PDE4D: variants seen among roughly 807,000 people sequenced by gnomAD.
PDE4D encodes 3',5'-cyclic-AMP phosphodiesterase 4D.
In PDE4D, 24 loss-of-function variants were observed where a neutral mutation model predicts 87.4. That is an observed-to-expected ratio of 0.27 (90% CI 0.20 to 0.39). The LOEUF is 0.39. PDE4D is among the 10% of genes least tolerant of loss of function. The probability of loss-of-function intolerance (pLI) is 1.00; values close to 1 mark genes in which losing one functional copy is unlikely to be tolerated. For synonymous variants in PDE4D, 384 were observed against 383.2 expected, an observed-to-expected ratio of 1.00 and a Z score of -0.02; for missense variants, 714 against 1,041.0, an observed-to-expected ratio of 0.69 and a Z score of 4.32.
chr5:59,475,336 C>T lies in PDE4D; in HGVS notation c.456-259368G>A, dbSNP rs1253906520. 3.3e-5 allele frequency among the ~76,000 whole-genome samples: 5 copies of T among 152,154 alleles called. No individual in the cohort carries two copies. In the East Asian group the frequency reaches 7.7e-4, roughly 23 times the overall value. ...TTCAGATTCTCAAAGGGGTCTCTAA[C>T]CCCAAATAAGGCTAAGAACCATGGT... On this transcript the variant is annotated intron_variant, in intron 1 of 14. Transcript: ENST00000340635.
chr5:59,043,650 C>T (rs918409875), intron 5 of PDE4D, among the ~76,000 whole-genome samples: 5 of 152,140 alleles, frequency 3.3e-5, no homozygotes, highest in African/African-American at 4.8e-5. Context: ...TGGTGTGCTG[C>T]ACCCATTAAC....
intron 5 of PDE4D, among the ~76,000 whole-genome samples, chr5:59,084,767 C>T (rs1340745783): frequency 6.6e-6 from 1 of 151,646 alleles, no homozygotes; most frequent in Non-Finnish European, 1.5e-5. Context: ...AACAAATCAG[C>T]CCACGAATAA....
In PDE4D at chr5:59,767,635, A is replaced by G. The variant is rs185607049; in HGVS notation, c.455+125533T>C. On this transcript the variant is annotated intron_variant, in intron 1 of 14. Coordinates refer to ENST00000340635, the MANE Select transcript of PDE4D (RefSeq NM_001104631.2). ...ATGTTCTAACAATCCAAATTCAAAGAACACAACAATACTACCAAGTACCAG... is the reference window on the plus strand; with the variant it reads ...ATGTTCTAACAATCCAAATTCAAAGGACACAACAATACTACCAAGTACCAG... Among the ~76,000 whole-genome samples the G allele has an allele frequency of 2.9e-4, 44 of 152,322 alleles. 1 individual carries two copies. Among genetic ancestry groups the G allele is most frequent in the Non-Finnish European group, 5.7e-4 (39 of 68,014 alleles).
intron 1 of PDE4D, among the ~76,000 whole-genome samples, chr5:59,271,351 A>C (rs1375238981): frequency 2.0e-5 from 3 of 152,290 alleles, no homozygotes; most frequent in Non-Finnish European, 2.9e-5. Flanking sequence ...AAATAGAAAA[A>C]TATTGATATG....
intron 1 of PDE4D, among the ~76,000 whole-genome samples, chr5:59,541,242 TG>T (rs1158407254): frequency 6.6e-6 from 1 of 152,218 alleles, no homozygotes; most frequent in African/African-American, 2.4e-5. Flanking sequence ...ATTGCCTGAC[TG>T]GCTGTCTCTG....
At chr5:59,956,534 G>A (rs568171818) in intron 3 of PDE4D, among the ~76,000 whole-genome samples, 1 of 152,172 alleles carries the variant, frequency 6.6e-6, no homozygotes, top group African/African-American at 2.4e-5. Flanking sequence ...AGGCCCCTGT[G>A]TGCTTGTGAA....
intron 1 of PDE4D, among the ~76,000 whole-genome samples, chr5:59,241,303 C>T (rs908129393): frequency 3.9e-5 from 6 of 152,152 alleles, no homozygotes; most frequent in African/African-American, 1.4e-4. Flanking sequence ...CAGCCATGTC[C>T]CTGTTCTTTC....
intron 1 of PDE4D, among the ~76,000 whole-genome samples, chr5:59,411,998 T>C (rs780680639): frequency 7.9e-5 from 12 of 152,332 alleles, no homozygotes; most frequent in Non-Finnish European, 1.5e-4. Context: ...GCAAGGTTCT[T>C]GGTTTATCAG....
At chr5:59,248,581 G>A (rs1759330808) in intron 1 of PDE4D, among the ~76,000 whole-genome samples, 1 of 152,098 alleles carries the variant, frequency 6.6e-6, no homozygotes, top group South Asian at 2.1e-4. Context: ...GCAATAAAAA[G>A]GTTTAGAAGG....
At chr5:59,891,489 G>C (rs1404844913) in intron 1 of PDE4D, among the ~76,000 whole-genome samples, 1 of 152,190 alleles carries the variant, frequency 6.6e-6, no homozygotes, top group African/African-American at 2.4e-5. Flanking sequence ...AACCAAAGGG[G>C]AGAGAGAAGG....
chr5:60,048,005 T>C (rs1276548278), intron 2 of PDE4D, among the ~76,000 whole-genome samples: 5 of 152,150 alleles, frequency 3.3e-5, no homozygotes, highest in Non-Finnish European at 7.3e-5. Flanking sequence ...AGTCTAAGTC[T>C]CTTTGTAGGT....
chr5:59,382,942 A>G (rs244592), intron 1 of PDE4D, among the ~76,000 whole-genome samples: 56,352 of 152,078 alleles, frequency 0.37, 11,650 homozygotes, highest in African/African-American at 0.56. Flanking sequence ...TATTGCCTTC[A>G]CACCATCCTG....
chr5:59,020,950 G>A (rs1489297997), intron 6 of PDE4D, among the ~76,000 whole-genome samples: 1 of 152,104 alleles, frequency 6.6e-6, no homozygotes, highest in Non-Finnish European at 1.5e-5. Flanking sequence ...TTTTTAATCT[G>A]TGCAATGATT....
intron 1 of PDE4D, among the ~76,000 whole-genome samples, chr5:59,700,471 A>G (rs1198310221): frequency 1.3e-5 from 2 of 152,348 alleles, no homozygotes; most frequent in East Asian, 3.9e-4. Flanking sequence ...TTCATGATTC[A>G]CATTTATTGA....
intron 1 of PDE4D, among the ~76,000 whole-genome samples, chr5:59,481,760 G>C (rs377169699): frequency 9.9e-5 from 15 of 151,870 alleles, no homozygotes; most frequent in African/African-American, 3.6e-4. Context: ...CTTTGTTGAA[G>C]CCATTCATCA....
chr5:59,098,568 G>A (rs754968316), intron 5 of PDE4D, among the ~76,000 whole-genome samples: 38 of 151,592 alleles, frequency 2.5e-4, no homozygotes, highest in Non-Finnish European at 4.0e-4. Flanking sequence ...GCTGGGTATG[G>A]TGGCATGCAC....
At chr5:59,768,539 G>T in intron 1 of PDE4D, 1 of 1,595,706 alleles carries the variant, frequency 6.3e-7, no homozygotes, top group Non-Finnish European at 8.5e-7. Context: ...CAGCTGGCAA[G>T]AATCCAGGGC....
At chr5:59,494,632 G>A (rs1806818752) in intron 1 of PDE4D, among the ~76,000 whole-genome samples, 1 of 152,074 alleles carries the variant, frequency 6.6e-6, no homozygotes, top group African/African-American at 2.4e-5. Flanking sequence ...ATTAATTATT[G>A]CAAAGAAATG....
At chr5:59,660,814 G>C (rs940593734) in intron 1 of PDE4D, among the ~76,000 whole-genome samples, 2 of 152,104 alleles carry the variant, frequency 1.3e-5, no homozygotes, top group Non-Finnish European at 2.9e-5. Context: ...TGCTGAAACA[G>C]TGCTCAAAGC....
Sources: allele counts gnomAD v4.1 joint callset (sites outside exome capture counted in the v4.1 genomes callset), GRCh38; gene constraint gnomAD v4.1.1; transcripts MANE v1.5; gene names NCBI Gene and HGNC (gene_info 2026-07-23, HGNC 2026-07-21).